The following LDB2 variants were observed in gnomAD, a reference collection of about 807,000 sequenced individuals.
LDB2 encodes LIM domain binding 2, also known as LIM domain-binding protein 2.
In LDB2, 12 loss-of-function variants were observed where a neutral mutation model predicts 44.3. The ratio of observed to expected loss-of-function variants is 0.27; its 90% CI spans 0.17 to 0.44. LDB2 has a LOEUF of 0.44. Among genes scored for constraint, LDB2 ranks in the 20% least tolerant of loss-of-function variants. The pLI, the probability that LDB2 is intolerant of heterozygous loss-of-function variation, is 1.00. For synonymous variants in LDB2, 164 were observed against 174.8 expected (o/e 0.94, Z 0.49); for missense variants, 344 against 473.5 (o/e 0.73, Z 2.54).
intron 5 of LDB2, among the ~76,000 whole-genome samples, chr4:16,532,329 T>G (rs566502714): frequency 1.3e-5 from 2 of 152,282 alleles, no homozygotes; most frequent in South Asian, 4.1e-4. Flanking sequence ...ATTTTTAGAC[T>G]GAATTGTAGG....
chr4:16,757,075 C>T (rs1399430029), intron 2 of LDB2, among the ~76,000 whole-genome samples: 1 of 152,164 alleles, frequency 6.6e-6, no homozygotes, highest in East Asian at 1.9e-4. Context: ...AGCCCCAGGA[C>T]AGCCAGGAGT....
chr4:16,627,718 G>A (rs550589528), intron 2 of LDB2, among the ~76,000 whole-genome samples: 5 of 152,176 alleles, frequency 3.3e-5, no homozygotes, highest in Admixed American at 1.3e-4. Context: ...TTGTGAAATC[G>A]CTTCTCTTTG....
intron 5 of LDB2, among the ~76,000 whole-genome samples, chr4:16,524,541 G>A (rs565772061): frequency 2.6e-4 from 39 of 152,056 alleles, no homozygotes; most frequent in Admixed American, 1.5e-3. Context: ...TATGAGGGAG[G>A]GGCTGAGAGC....
intron 1 of LDB2, among the ~76,000 whole-genome samples, chr4:16,778,925 C>G (rs190859938): frequency 6.6e-6 from 1 of 152,172 alleles, no homozygotes; most frequent in African/African-American, 2.4e-5. Context: ...CCTTCCAGTT[C>G]TAATATTAGA....
At chr4:16,618,835 C>G (rs1383977090) in intron 2 of LDB2, among the ~76,000 whole-genome samples, 1 of 152,162 alleles carries the variant, frequency 6.6e-6, no homozygotes, top group African/African-American at 2.4e-5. Context: ...AAAGGAATCA[C>G]AGGGGTGGAT....
intron 1 of LDB2, among the ~76,000 whole-genome samples, chr4:16,829,821 C>T (rs1783741026): frequency 6.6e-6 from 1 of 152,160 alleles, no homozygotes; most frequent in South Asian, 2.1e-4. Context: ...GAAAAACACA[C>T]ACAGGCCGGG....
intron 7 of LDB2, among the ~76,000 whole-genome samples, chr4:16,505,632 C>A (rs1177261504): frequency 6.7e-6 from 1 of 149,590 alleles, no homozygotes; most frequent in Non-Finnish European, 1.5e-5. Context: ...TGTTAAAAAT[C>A]CCCCCAACAT....
intron 1 of LDB2, among the ~76,000 whole-genome samples, chr4:16,850,224 A>G (rs1213152686): frequency 6.6e-6 from 1 of 152,082 alleles, no homozygotes; most frequent in African/African-American, 2.4e-5. Flanking sequence ...CTCCACATGG[A>G]CACATCTAGC....
chr4:16,529,865 T>C (rs992307847), intron 5 of LDB2, among the ~76,000 whole-genome samples: 2 of 152,226 alleles, frequency 1.3e-5, no homozygotes, highest in African/African-American at 4.8e-5. Context: ...TTGACATCTG[T>C]CTGATGCTGC....
At chr4:16,526,495 C>A (rs1046255589) in intron 5 of LDB2, among the ~76,000 whole-genome samples, 3 of 152,198 alleles carry the variant, frequency 2.0e-5, no homozygotes, top group Non-Finnish European at 4.4e-5. Flanking sequence ...AACTCCTCAG[C>A]CTCTGTCATC....
chr4:16,509,696 T>G (rs114041370), intron 6 of LDB2, among the ~76,000 whole-genome samples: 1,882 of 152,330 alleles, frequency 0.012, 39 homozygotes, highest in African/African-American at 0.043. Context: ...AGTTACTGAA[T>G]AAGTTGGAAA....
chr4:16,633,199 A>G (rs946097382), intron 2 of LDB2, among the ~76,000 whole-genome samples: 3 of 152,164 alleles, frequency 2.0e-5, no homozygotes, highest in East Asian at 1.9e-4. Flanking sequence ...AGAAAACCAA[A>G]CACTCCATGT....
At chr4:16,662,943 A>G (rs1430221964) in intron 2 of LDB2, among the ~76,000 whole-genome samples, 2 of 152,096 alleles carry the variant, frequency 1.3e-5, no homozygotes, top group African/African-American at 4.8e-5. Context: ...ATCATTTGGA[A>G]CATTATAATA....
At chr4:16,823,794 C>T (rs1782539666) in intron 1 of LDB2, among the ~76,000 whole-genome samples, 2 of 152,206 alleles carry the variant, frequency 1.3e-5, no homozygotes, top group African/African-American at 2.4e-5. Context: ...TTTCTTCTTC[C>T]AGCCAAGATG....
At chr4:16,646,805 A>G (rs1263009988) in intron 2 of LDB2, among the ~76,000 whole-genome samples, 1 of 152,222 alleles carries the variant, frequency 6.6e-6, no homozygotes, top group African/African-American at 2.4e-5. Flanking sequence ...GTTCTCTTCC[A>G]CAAAGTTCAC....
chr4:16,770,559 GA>G (rs149775763), intron 1 of LDB2, among the ~76,000 whole-genome samples: 2,681 of 152,234 alleles, frequency 0.018, 73 homozygotes, highest in African/African-American at 0.061. Context: ...TGGGGAAACT[GA>G]GGCCCCAAGC....
chr4:16,895,867 G>GT (rs1030478101), intron 1 of LDB2, among the ~76,000 whole-genome samples: 13 of 151,864 alleles, frequency 8.6e-5, no homozygotes, highest in African/African-American at 2.9e-4. Flanking sequence ...CATGAAAATT[G>GT]TTTTTTTCAA....
At chr4:16,583,500 G>C (rs1715536653) in intron 5 of LDB2, among the ~76,000 whole-genome samples, 1 of 152,166 alleles carries the variant, frequency 6.6e-6, no homozygotes, top group Admixed American at 6.5e-5. Flanking sequence ...GATGGACGTG[G>C]AGGCTTCAGA....
intron 2 of LDB2, among the ~76,000 whole-genome samples, chr4:16,709,701 A>G (rs1321527885): frequency 6.6e-6 from 1 of 152,226 alleles, no homozygotes; most frequent in Non-Finnish European, 1.5e-5. Flanking sequence ...ACCATTTTAC[A>G]TTAAAAGATT....
Sources: gnomAD v4.1 joint callset for allele counts (sites outside exome capture counted in the v4.1 genomes callset) on GRCh38, gnomAD v4.1.1 for gene constraint, MANE v1.5 for transcripts, NCBI Gene and HGNC (gene_info 2026-07-23, HGNC 2026-07-21) for gene names.